The following MNT variants were observed in gnomAD, a reference collection of about 807,000 sequenced individuals.
The protein encoded by MNT is MAX network transcriptional repressor.
In MNT, 13 loss-of-function variants were observed where a neutral mutation model predicts 40.7. The observed-to-expected ratio is 0.32, with a 90% confidence interval of 0.21 to 0.51. The LOEUF (loss-of-function observed/expected upper bound fraction) is 0.51, where lower values mean the gene tolerates loss of function less well. MNT is among the 20% of genes least tolerant of loss of function. The pLI is 0.98. For missense variants in MNT, 757 were observed against 792.0 expected, an observed-to-expected ratio of 0.96 and a Z score of 0.53; for synonymous variants, 426 against 354.8, an observed-to-expected ratio of 1.20 and a Z score of -2.26.
In MNT at chr17:2,394,923, G is replaced by A. The variant is rs561978070; in HGVS notation, c.605C>T (p.Ala202Val). Residue 202 changes from alanine to valine, a missense_variant, in exon 2 of 6, where the codon GCA becomes GTA. Ala to Val is a moderately conservative substitution (Grantham distance 64). Transcript: ENST00000174618. ...PPPTLGTLKL[A>V]PAEEVKSSEQ... is the part of the protein sequence containing the mutation. ...ACTGGATTTGACTTCTTCAGCTGGTGCCAACTTCAGGGTCCCCAGCGTGGG... is the reference window on the plus strand; with the variant it reads ...ACTGGATTTGACTTCTTCAGCTGGTACCAACTTCAGGGTCCCCAGCGTGGG... 57 of 1,606,628 alleles carry A rather than the reference G, an allele frequency of 3.5e-5. No individual in the cohort carries two copies. The highest frequency in any genetic ancestry group is 4.6e-5 in the Non-Finnish European group (54 of 1,177,062).
At position 2,387,306 on chromosome 17, in the gene MNT, G is replaced by T; in HGVS notation, c.1344C>A (p.His448Gln). ...STVIAHTATTHASVIQTVNHV... is the reference protein window; with the variant it reads ...STVIAHTATTQASVIQTVNHV... ...GGTTCACAGTCTGGATGACTGAAGC[G>T]TGAGTGGTGGCTGTGTGGGCGATGA... The change falls in exon 6 of 6, where the codon CAC (histidine) becomes CAA (glutamine). Residue 448 changes from histidine to glutamine, a missense_variant. His to Gln is a conservative substitution (Grantham distance 24). This residue lies in a region of MNT where 345 missense variants were observed against 380.1 expected (regional missense o/e 0.91). Transcript: ENST00000174618. 1 of 1,613,432 alleles carries T rather than the reference G, an allele frequency of 6.2e-7. No individual in the cohort carries two copies. The highest frequency in any genetic ancestry group is 2.2e-5 in the East Asian group (1 of 44,864).
In MNT at chr17:2,387,573, G is replaced by A; in HGVS notation, c.1077C>T (p.Pro359=). 6.2e-7 allele frequency: 1 copy of A among 1,614,080 alleles called. No individual in the cohort carries two copies. Among genetic ancestry groups the A allele is most frequent in the Non-Finnish European group, 8.5e-7 (1 of 1,179,990 alleles). The change falls in exon 6 of 6, where the codon CCC becomes CCT. Residue 359 remains proline, a synonymous_variant. Coordinates refer to ENST00000174618, the MANE Select transcript of MNT (RefSeq NM_020310.3). ...GLGPPKLSHR[P]QPELLKSTLP... is the part of the protein sequence containing the mutation. ...GGGTGGACTTCAGCAGCTCCGGCTGGGGACGATGGCTCAGCTTAGGTGGGC... is the reference window on the plus strand; with the variant it reads ...GGGTGGACTTCAGCAGCTCCGGCTGAGGACGATGGCTCAGCTTAGGTGGGC...
At chr17:2,388,430 C>T (rs746241803) in intron 4 of MNT, 6 of 202,318 alleles carry the variant, frequency 3.0e-5, no homozygotes, top group African/African-American at 7.0e-5. Context: ...CCTGCGCTTC[C>T]ACCTCACCGT....
Position 2,387,026 on chromosome 17 carries a change from T to A in MNT, c.1624A>T (p.Met542Leu), listed in dbSNP as rs1344685852. 6.5e-7 allele frequency: 1 copy of A among 1,549,430 alleles called. No homozygotes were observed. Among genetic ancestry groups the A allele is most frequent in the Non-Finnish European group, 8.7e-7 (1 of 1,145,886 alleles). Reference sequence around the variant, plus strand: ...TGAGCCCCCACGGCCGGCTTTGCCATGACAGTAGCCGGGGGCCCCAGGCCG... The same window carrying A: ...TGAGCCCCCACGGCCGGCTTTGCCAAGACAGTAGCCGGGGGCCCCAGGCCG... Reference protein sequence around the residue: ...TAGLGPPATVMAKPAVGAQVV... With the variant: ...TAGLGPPATVLAKPAVGAQVV... The change falls in exon 6 of 6, where the codon ATG (methionine) becomes TTG (leucine). Residue 542 changes from methionine to leucine, a missense_variant. Coordinates refer to ENST00000174618, the MANE Select transcript of MNT (RefSeq NM_020310.3).
chr17:2,390,819 T>C (rs1378220496), intron 4 of MNT: 2 of 152,234 alleles, frequency 1.3e-5, no homozygotes, highest in East Asian at 1.9e-4. Context: ...CGGCAACACA[T>C]AACCCAGGTA....
Position 2,386,913 on chromosome 17 carries a change from G to T in MNT, c.1737C>A (p.Leu579=), listed in dbSNP as rs747470575. The T allele has an allele frequency of 4.7e-6, 7 of 1,477,524 alleles. No homozygotes were observed. Among genetic ancestry groups the T allele is most frequent in the Admixed American group, 5.1e-5 (2 of 39,192 alleles). 91.5% of individuals were successfully genotyped at this position (1,477,524 alleles called of 1,614,324 possible). Reference sequence around the variant, plus strand: ...AGTGGCCTCGTCCTCAAGCCAGCTTGAGTGTGCTGACTGGGAAGGAGGGCA... The same window carrying T: ...AGTGGCCTCGTCCTCAAGCCAGCTTTAGTGTGCTGACTGGGAAGGAGGGCA... ...VTMPSFPVST[L]KLA is the part of the protein sequence containing the mutation. Residue 579 remains leucine, a synonymous_variant, in exon 6 of 6, where the codon CTC becomes CTA. Coordinates refer to ENST00000174618, the MANE Select transcript of MNT (RefSeq NM_020310.3).
intron 1 of MNT, among the ~76,000 whole-genome samples, chr17:2,395,901 G>T (rs8068880): frequency 1.3e-5 from 2 of 152,098 alleles, no homozygotes; most frequent in Non-Finnish European, 2.9e-5. Flanking sequence ...ACACCAGAGG[G>T]GGGGGTGTGC....
At position 2,395,904 on chromosome 17, in the gene MNT, G is replaced by C. The variant is rs112704700; in HGVS notation, c.74-450C>G. Among the ~76,000 whole-genome samples the C allele has an allele frequency of 5.9e-5, 9 of 152,290 alleles. 1 individual carries two copies. The highest frequency in any genetic ancestry group is 5.8e-4 in the East Asian group (3 of 5,188). ...ACCCAAGACTTCACACCAGAGGGGG[G>C]GGTGTGCTGACAGATCCCAGCTTCC... On this transcript the variant is annotated intron_variant, in intron 1 of 5. Transcript: ENST00000174618.
In MNT at chr17:2,387,346, C is replaced by A. The variant is rs1421183847; in HGVS notation, c.1304G>T (p.Gly435Val). Residue 435 changes from glycine to valine, a missense_variant, in exon 6 of 6, where the codon GGG becomes GTG. Around this residue, in one of 4 missense-constraint regions of MNT, gnomAD observed 345 missense variants for 380.1 expected, o/e 0.91. Coordinates refer to ENST00000174618, the MANE Select transcript of MNT (RefSeq NM_020310.3). ...GTGGGCGATGACCGTGGAGCCACCC[C>A]CAGCCGTCGCCACCAGATGGGCTGG... ...PAPAHLVATA[G>V]GGSTVIAHTA... is the part of the protein sequence containing the mutation. 3.7e-6 allele frequency: 6 copies of A among 1,612,194 alleles called. No individual in the cohort carries two copies. Among genetic ancestry groups the A allele is most frequent in the Non-Finnish European group, 2.5e-6 (3 of 1,179,472 alleles).
chr17:2,388,196 G>C (rs1322650467), intron 4 of MNT, 147 bp from the exon 5 acceptor site: 1 of 713,516 alleles, frequency 1.4e-6, no homozygotes, highest in Admixed American at 2.9e-5. Context: ...GCTGGAGACC[G>C]CACCTGTTGT....
intron 4 of MNT, chr17:2,389,267 T>A (rs2151666035): frequency 6.7e-6 from 1 of 149,930 alleles, no homozygotes; most frequent in East Asian, 1.9e-4. Context: ...CTCCCTCAAT[T>A]TTTTTTTTTT....
chr17:2,400,719 G>T lies in MNT; in HGVS notation c.-7C>A. On this transcript the variant is annotated 5_prime_UTR_variant, in exon 1 of 6. Coordinates refer to ENST00000174618, the MANE Select transcript of MNT (RefSeq NM_020310.3). ...GTAGCGTCTCTATGCTCATCGCGCC[G>T]AGAGCTGCCGGGGGCGCGCCGGGGC... 6.4e-7 allele frequency: 1 copy of T among 1,553,098 alleles called. No homozygotes were observed. The highest frequency in any genetic ancestry group is 1.2e-5 in the South Asian group (1 of 84,154).
chr17:2,400,394 G>T (rs558745048), intron 1 of MNT: 5 of 423,746 alleles, frequency 1.2e-5, no homozygotes, highest in African/African-American at 1.1e-4. Context: ...GGGCACAGGG[G>T]TGCCACGCAG....
rs753373600 is a variant in MNT at position 2,394,982 on chromosome 17, G to C, written c.546C>G (p.Val182=). 3.7e-5 allele frequency: 59 copies of C among 1,606,766 alleles called. No homozygotes were observed. Among genetic ancestry groups the C allele is most frequent in the Non-Finnish European group, 4.9e-5 (58 of 1,177,088 alleles). ...GCTGCTGGGGGGCCAGCTGAGGCTGGACTCCAGGGTGTGGCGCTATGGTCA... is the reference window on the plus strand; with the variant it reads ...GCTGCTGGGGGGCCAGCTGAGGCTGCACTCCAGGGTGTGGCGCTATGGTCA... ...PVLTIAPHPG[V]QPQLAPQQPP... is the part of the protein sequence containing the mutation. The change falls in exon 2 of 6, where the codon GTC becomes GTG. Residue 182 remains valine, a synonymous_variant. Transcript: ENST00000174618.
In MNT at chr17:2,395,352, C is replaced by A; in HGVS notation, c.176G>T (p.Arg59Leu). 1.2e-6 allele frequency: 2 copies of A among 1,612,888 alleles called. No homozygotes were observed. The highest frequency in any genetic ancestry group is 1.7e-6 in the Non-Finnish European group (2 of 1,179,700). The change falls in exon 2 of 6, where the codon CGC (arginine) becomes CTC (leucine). Residue 59 changes from arginine to leucine, a missense_variant. This residue lies in a region of MNT where 335 missense variants were observed against 291.4 expected (regional missense o/e 1.15). Transcript: ENST00000174618. ...LAHTLPVEEPRMEAPPLPLSP... is the reference protein window; with the variant it reads ...LAHTLPVEEPLMEAPPLPLSP... ...CAGAGGCAGGGGTGGCGCCTCCATG[C>A]GGGGTTCCTCCACAGGAAGGGTATG...
intron 1 of MNT, chr17:2,396,859 G>C (rs1433170325): frequency 1.3e-5 from 2 of 152,338 alleles, no homozygotes; most frequent in African/African-American, 4.8e-5. Context: ...CAAACACCCG[G>C]GCAAGGGGTG....
chr17:2,400,013 C>T (rs2066603585), intron 1 of MNT, among the ~76,000 whole-genome samples: 1 of 152,226 alleles, frequency 6.6e-6, no homozygotes, highest in African/African-American at 2.4e-5. Flanking sequence ...TGGCCAGGAT[C>T]ATAAGACACG....
At chr17:2,393,255 CG>C (rs1259201381) in intron 4 of MNT, among the ~76,000 whole-genome samples, 1 of 151,938 alleles carries the variant, frequency 6.6e-6, no homozygotes, top group Admixed American at 6.5e-5. Context: ...GAAGCCCCGC[CG>C]GTTTCCAGGG....
At chr17:2,388,783 C>G (rs748172662) in intron 4 of MNT, among the ~76,000 whole-genome samples, 5 of 152,146 alleles carry the variant, frequency 3.3e-5, no homozygotes, top group Non-Finnish European at 7.4e-5. Context: ...TCAGTCTTTC[C>G]CGTGCTCCAA....
Sources: gnomAD v4.1 joint callset for allele counts (sites outside exome capture counted in the v4.1 genomes callset) on GRCh38, gnomAD v4.1.1 for gene constraint, gnomAD v4.1.1 regional missense constraint, MANE v1.5 for transcripts, NCBI Gene and HGNC (gene_info 2026-07-23, HGNC 2026-07-21) for gene names.